ATXN1: variants seen among roughly 807,000 people sequenced by gnomAD.
ATXN1 encodes the protein ataxin 1, also known as ataxin-1.
In ATXN1, 8 loss-of-function variants were observed where a neutral mutation model predicts 56.4. That is an observed-to-expected ratio of 0.14 (90% CI 0.08 to 0.26). The LOEUF is 0.26. Ranked by LOEUF, ATXN1 falls within the 10% of genes least tolerant of loss-of-function variation. The pLI, the probability that ATXN1 is intolerant of heterozygous loss-of-function variation, is 1.00. For missense variants in ATXN1, 987 were observed against 1,106.5 expected, an observed-to-expected ratio of 0.89 and a Z score of 1.53; for synonymous variants, 514 against 494.6, an observed-to-expected ratio of 1.04 and a Z score of -0.52.
intron 6 of ATXN1, among the ~76,000 whole-genome samples, chr6:16,347,724 C>A (rs1761449568): frequency 6.6e-6 from 1 of 152,156 alleles, no homozygotes; most frequent in Non-Finnish European, 1.5e-5. Context: ...TGTAAATGCA[C>A]CAATCAGTAC....
intron 6 of ATXN1, among the ~76,000 whole-genome samples, chr6:16,444,645 C>T (rs1759597003): frequency 6.6e-6 from 1 of 152,074 alleles, no homozygotes. Flanking sequence ...CCTACAAAAC[C>T]TGAAGCACCG....
chr6:16,510,370 T>G (rs1332042959), intron 5 of ATXN1, among the ~76,000 whole-genome samples: 2 of 152,158 alleles, frequency 1.3e-5, no homozygotes, highest in Non-Finnish European at 2.9e-5. Flanking sequence ...TTGAACTGAC[T>G]AGGAAAACAA....
At chr6:16,441,063 A>G (rs749608812) in intron 6 of ATXN1, among the ~76,000 whole-genome samples, 17 of 152,098 alleles carry the variant, frequency 1.1e-4, no homozygotes, top group South Asian at 2.1e-4. Context: ...CAGCAGCATC[A>G]TTGGCAAGGG....
intron 2 of ATXN1, among the ~76,000 whole-genome samples, chr6:16,701,102 C>T (rs1369599451): frequency 6.6e-6 from 1 of 151,960 alleles, no homozygotes; most frequent in Non-Finnish European, 1.5e-5. Context: ...CGTGTTGTGA[C>T]GTTCTGGTTT....
chr6:16,578,228 C>T (rs958112467), intron 4 of ATXN1, among the ~76,000 whole-genome samples: 5 of 152,136 alleles, frequency 3.3e-5, no homozygotes, highest in Non-Finnish European at 1.5e-5. Context: ...TTATCATCTG[C>T]TTTCTTTATT....
chr6:16,309,153 A>G (rs1221383331), intron 7 of ATXN1, among the ~76,000 whole-genome samples: 1 of 151,486 alleles, frequency 6.6e-6, no homozygotes, highest in Non-Finnish European at 1.5e-5. Context: ...TCTTGAGCCC[A>G]GGAGTTAGAG....
chr6:16,620,962 T>G (rs903326351), intron 3 of ATXN1, among the ~76,000 whole-genome samples: 1 of 152,242 alleles, frequency 6.6e-6, no homozygotes, highest in Non-Finnish European at 1.5e-5. Context: ...CATTAGTTGT[T>G]TTATTTCAAC....
At chr6:16,640,015 C>T (rs769440037) in intron 3 of ATXN1, among the ~76,000 whole-genome samples, 5 of 151,946 alleles carry the variant, frequency 3.3e-5, no homozygotes. Context: ...ATGCAACAGG[C>T]GCATCTCATT....
At chr6:16,485,002 CACAT>C (rs1760516083) in intron 6 of ATXN1, 1 of 143,790 alleles carries the variant, frequency 7.0e-6, no homozygotes, top group African/African-American at 2.6e-5. Context: ...TACACGCACA[CACAT>C]ACATAAACAA....
chr6:16,454,335 T>G (rs1759823488), intron 6 of ATXN1, among the ~76,000 whole-genome samples: 1 of 152,102 alleles, frequency 6.6e-6, no homozygotes, highest in Non-Finnish European at 1.5e-5. Context: ...GTGCCAGTGC[T>G]TGGGGCTTGC....
intron 4 of ATXN1, among the ~76,000 whole-genome samples, chr6:16,537,207 G>A (rs772638957): frequency 1.3e-5 from 2 of 152,052 alleles, no homozygotes; most frequent in East Asian, 1.9e-4. Context: ...CCTGAATTCC[G>A]ATGCTTGACA....
intron 3 of ATXN1, among the ~76,000 whole-genome samples, chr6:16,617,261 T>C (rs886514568): frequency 3.9e-5 from 6 of 152,144 alleles, no homozygotes; most frequent in African/African-American, 7.2e-5. Flanking sequence ...ACATTGTGCA[T>C]GGATCAAAAA....
rs566261999 is a variant in ATXN1, at chr6:16,626,126, C to T, written c.-489+31650G>A. On this transcript the variant is annotated intron_variant, in intron 3 of 7. Transcript: ENST00000436367. ...CAGTTTTCCCCAGTGCCTAGTACAA[C>T]GCCTGACACATAGTAAGCAATTAAA... Among the ~76,000 whole-genome samples, 163 of 152,240 alleles carry T rather than the reference C, an allele frequency of 1.1e-3. 1 individual carries two copies. The highest frequency in any genetic ancestry group is 3.4e-3 in the African/African-American group (141 of 41,550).
intron 4 of ATXN1, among the ~76,000 whole-genome samples, chr6:16,549,883 C>A (rs1455246297): frequency 1.8e-5 from 2 of 111,056 alleles, no homozygotes; most frequent in Non-Finnish European, 3.3e-5. Flanking sequence ...GCAACAAGAG[C>A]GAAACTCTGT....
rs1215071092 is a variant in ATXN1 at position 16,305,231 on chromosome 6, T to A, written c.*1098A>T. The A allele has an allele frequency of 6.6e-6, 1 of 152,212 alleles. No homozygotes were observed. Among genetic ancestry groups the A allele is most frequent in the Non-Finnish European group, 1.5e-5 (1 of 68,006 alleles). 9.4% of individuals were successfully genotyped at this position (152,212 alleles called of 1,614,324 possible). On this transcript the variant is annotated 3_prime_UTR_variant, in exon 8 of 8. Coordinates refer to ENST00000436367, the MANE Select transcript of ATXN1 (RefSeq NM_001128164.2). ...TTAAATGCTTAAAGATAGTAATATA[T>A]GCTCATCTTCAAAATCTAATTCCTC...
chr6:16,347,936 C>A (rs183907495), intron 6 of ATXN1, among the ~76,000 whole-genome samples: 4 of 152,180 alleles, frequency 2.6e-5, no homozygotes, highest in Non-Finnish European at 5.9e-5. Context: ...ATCTATACTG[C>A]CTGTATGAGC....
intron 3 of ATXN1, among the ~76,000 whole-genome samples, chr6:16,618,355 C>T (rs1189176313): frequency 6.6e-6 from 1 of 152,180 alleles, no homozygotes; most frequent in Non-Finnish European, 1.5e-5. Flanking sequence ...GTACAGCAAA[C>T]CACTATGGCA....
intron 6 of ATXN1, among the ~76,000 whole-genome samples, chr6:16,454,153 A>AG (rs1759819335): frequency 6.9e-6 from 1 of 145,538 alleles, no homozygotes; most frequent in Non-Finnish European, 1.5e-5. Context: ...AAAAAAAAAA[A>AG]ACAGAAGAAT....
intron 7 of ATXN1, among the ~76,000 whole-genome samples, chr6:16,313,808 C>A (rs563960520): frequency 1.3e-5 from 2 of 152,184 alleles, no homozygotes; most frequent in African/African-American, 4.8e-5. Flanking sequence ...GCGATCTGCC[C>A]GCCACAGCCT....
Sources: allele counts gnomAD v4.1 joint callset (sites outside exome capture counted in the v4.1 genomes callset), GRCh38; gene constraint gnomAD v4.1.1; transcripts MANE v1.5; gene names NCBI Gene and HGNC (gene_info 2026-07-23, HGNC 2026-07-21).